PTPRD: variants seen among roughly 807,000 people sequenced by gnomAD.
PTPRD encodes the protein protein tyrosine phosphatase receptor type D.
A neutral mutation model predicts 214.5 loss-of-function variants in PTPRD; 34 were observed. The observed-to-expected ratio is 0.16, with a 90% CI of 0.12 to 0.21. PTPRD has a LOEUF of 0.21. Ranked by LOEUF, PTPRD falls within the 10% of genes least tolerant of loss-of-function variation. The pLI, the probability that PTPRD is intolerant of heterozygous loss-of-function variation, is 1.00. For synonymous variants in PTPRD, 1,128 were observed against 845.7 expected, an observed-to-expected ratio of 1.33 and a Z score of -5.79; for missense variants, 2,545 against 2,398.7, an observed-to-expected ratio of 1.06 and a Z score of -1.27.
At chr9:9,262,269 AAG>A (rs2099980465) in intron 9 of PTPRD, among the ~76,000 whole-genome samples, 1 of 151,182 alleles carries the variant, frequency 6.6e-6, no homozygotes, top group Non-Finnish European at 1.5e-5. Flanking sequence ...ACACATCAGA[AAG>A]AGTAAAATGA....
At chr9:10,491,743 C>T (rs1033741975) in intron 2 of PTPRD, among the ~76,000 whole-genome samples, 8 of 151,380 alleles carry the variant, frequency 5.3e-5, no homozygotes, top group Admixed American at 4.0e-4. Flanking sequence ...CTTTAAGTTC[C>T]GGGATATATG....
At chr9:8,449,673 G>A (rs2095861357) in intron 34 of PTPRD, 52 bp downstream of exon 34, 3 of 1,532,462 alleles carry the variant, frequency 2.0e-6, no homozygotes, top group African/African-American at 1.4e-5. Flanking sequence ...CAATTGAGCT[G>A]TACAACTTCT....
At chr9:9,945,150 A>G (rs958853438) in intron 4 of PTPRD, among the ~76,000 whole-genome samples, 9 of 152,146 alleles carry the variant, frequency 5.9e-5, no homozygotes, top group Non-Finnish European at 1.2e-4. Flanking sequence ...AAAGTTGATT[A>G]CCAAGATAGT....
chr9:10,188,496 T>A (rs10756007), intron 3 of PTPRD, among the ~76,000 whole-genome samples: 61,850 of 151,942 alleles, frequency 0.41, 15,902 homozygotes, highest in Non-Finnish European at 0.57. Flanking sequence ...TTCCAAATCA[T>A]TCAACTTAGT....
At chr9:8,655,773 A>G (rs893593427) in intron 12 of PTPRD, among the ~76,000 whole-genome samples, 3 of 142,818 alleles carry the variant, frequency 2.1e-5, no homozygotes, top group African/African-American at 7.8e-5. Context: ...TATCTCCTTC[A>G]CCCTTTTCTT....
chr9:10,337,140 C>T (rs1458975423), intron 3 of PTPRD, among the ~76,000 whole-genome samples: 1 of 151,620 alleles, frequency 6.6e-6, no homozygotes, highest in Non-Finnish European at 1.5e-5. Context: ...GTTCTAAAAT[C>T]GAGTGGCCCA....
At chr9:8,578,497 A>G (rs996094023) in intron 14 of PTPRD, among the ~76,000 whole-genome samples, 2 of 152,192 alleles carry the variant, frequency 1.3e-5, no homozygotes, top group Non-Finnish European at 2.9e-5. Context: ...AAACACGTGA[A>G]ACAAAAACTC....
chr9:9,077,697 G>T (rs2099753276), intron 10 of PTPRD, among the ~76,000 whole-genome samples: 1 of 151,984 alleles, frequency 6.6e-6, no homozygotes, highest in South Asian at 2.1e-4. Flanking sequence ...CACTTTACTG[G>T]GGGAGGGAGG....
intron 37 of PTPRD, among the ~76,000 whole-genome samples, chr9:8,381,983 T>C (rs974661337): frequency 2.6e-5 from 4 of 152,132 alleles, no homozygotes; most frequent in Admixed American, 2.0e-4. Flanking sequence ...CCTCAGAGTA[T>C]CCACCTCAGA....
rs757868633 is a variant in PTPRD at position 8,485,917 on chromosome 9, G to A, written c.2900C>T (p.Pro967Leu). Residue 967 changes from proline to leucine, a missense_variant, in exon 28 of 46, where the codon CCG (proline) becomes CTG (leucine). Coordinates refer to ENST00000381196, the MANE Select transcript of PTPRD (RefSeq NM_002839.4). ...LYRDINIPLL[P>L]MEQLIVPADT... ...AGCTGGAACAATAAGCTGCTCCATC[G>A]GGAGAAGGGGGATGTTGATATCCCT... is the stretch of plus-strand genomic sequence containing the variant. 1.4e-5 allele frequency: 23 copies of A among 1,614,146 alleles called. No individual in the cohort carries two copies. Among genetic ancestry groups the A allele is most frequent in the Non-Finnish European group, 1.9e-5 (23 of 1,180,020 alleles).
At chr9:8,532,420 C>A (rs551597085) in intron 14 of PTPRD, among the ~76,000 whole-genome samples, 1 of 151,998 alleles carries the variant, frequency 6.6e-6, no homozygotes, top group Non-Finnish European at 1.5e-5. Flanking sequence ...TCAATTTTGA[C>A]GGCTCCTCAA....
In PTPRD at chr9:8,762,581, G is replaced by T. The variant is rs10977286; in HGVS notation, c.-103-28635C>A. ...AAAGCAATACAAACTAACCTATCATGTCACCAGATGAACGGGCTCCTTCAA... is the reference window on the plus strand; with the variant it reads ...AAAGCAATACAAACTAACCTATCATTTCACCAGATGAACGGGCTCCTTCAA... On this transcript the variant is annotated intron_variant, in intron 11 of 45. Transcript: ENST00000381196. Among the ~76,000 whole-genome samples, 536 of 152,158 alleles carry T rather than the reference G, an allele frequency of 3.5e-3. 20 individuals carry two copies. The East Asian group carries it at 0.078, about 22-fold the overall frequency.
In PTPRD at chr9:9,065,776, G is replaced by A. The variant is rs1443317707; in HGVS notation, c.-142-47041C>T. Among the ~76,000 whole-genome samples the A allele has an allele frequency of 3.9e-5, 6 of 152,054 alleles. No homozygotes were observed. The South Asian group carries it at 1.2e-3, about 32-fold the overall frequency. ...AATGATACATTAATGTCTCTGGAAG[G>A]CTTCCAGAGTTTTTCCAGTAGTTCT... On this transcript the variant is annotated intron_variant, in intron 10 of 45. Coordinates refer to ENST00000381196, the MANE Select transcript of PTPRD (RefSeq NM_002839.4).
At chr9:10,537,685 T>A (rs546411419) in intron 2 of PTPRD, among the ~76,000 whole-genome samples, 12 of 152,318 alleles carry the variant, frequency 7.9e-5, no homozygotes, top group Non-Finnish European at 1.0e-4. Flanking sequence ...CAGTGAACAC[T>A]CCTTCAGTGA....
intron 5 of PTPRD, among the ~76,000 whole-genome samples, chr9:9,884,715 T>C (rs2070153975): frequency 6.6e-6 from 1 of 152,134 alleles, no homozygotes; most frequent in Admixed American, 6.6e-5. Flanking sequence ...ATGGGGATGG[T>C]TACCTACATG....
At chr9:8,958,283 G>C (rs1423254063) in intron 11 of PTPRD, among the ~76,000 whole-genome samples, 2 of 151,768 alleles carry the variant, frequency 1.3e-5, no homozygotes, top group African/African-American at 4.8e-5. Flanking sequence ...GGAAGATGTG[G>C]GGACACAAAT....
intron 11 of PTPRD, among the ~76,000 whole-genome samples, chr9:8,747,889 G>A (rs546073363): frequency 2.0e-5 from 3 of 152,270 alleles, no homozygotes; most frequent in Admixed American, 1.3e-4. Context: ...CCCCTGCACT[G>A]CAGGCCATAC....
At chr9:8,539,456 A>G (rs1377943488) in intron 14 of PTPRD, among the ~76,000 whole-genome samples, 2 of 151,950 alleles carry the variant, frequency 1.3e-5, no homozygotes, top group Non-Finnish European at 2.9e-5. Context: ...AAATACCATT[A>G]AAGACAAATA....
intron 40 of PTPRD, 76 bp from the exon 41 acceptor site, chr9:8,341,344 CCA>C: frequency 7.1e-7 from 1 of 1,416,108 alleles, no homozygotes; most frequent in South Asian, 1.4e-5. Context: ...GCAGTGTACC[CCA>C]GATTTCCCTT....
Sources: allele counts gnomAD v4.1 joint callset (sites outside exome capture counted in the v4.1 genomes callset), GRCh38; gene constraint gnomAD v4.1.1; transcripts MANE v1.5; gene names NCBI Gene and HGNC (gene_info 2026-07-23, HGNC 2026-07-21).